Variants in MYRF observed in about 807,000 individuals in gnomAD.
The protein encoded by MYRF is myelin gene regulatory factor.
Under a neutral mutation model 126.3 loss-of-function variants are expected in MYRF, and 16 were observed. That is an observed-to-expected ratio of 0.13 (90% confidence interval 0.09 to 0.19). The LOEUF is 0.19. Ranked by LOEUF, MYRF falls within the 10% of genes least tolerant of loss-of-function variation. The probability of loss-of-function intolerance (pLI) is 1.00; values close to 1 mark genes in which losing one functional copy is unlikely to be tolerated. For synonymous variants in MYRF, 608 were observed against 635.3 expected, an observed-to-expected ratio of 0.96 and a Z score of 0.65; for missense variants, 1,104 against 1,547.0, an observed-to-expected ratio of 0.71 and a Z score of 4.80.
intron 1 of MYRF, among the ~76,000 whole-genome samples, chr11:61,761,788 T>G (rs1281850952): frequency 6.6e-6 from 1 of 152,274 alleles, no homozygotes; most frequent in Non-Finnish European, 1.5e-5. Flanking sequence ...GAGCCTCAGT[T>G]TCCTCATCTA....
chr11:61,770,441 T>A lies in MYRF; in HGVS notation c.656T>A (p.Met219Lys). The A allele has an allele frequency of 6.5e-7, 1 of 1,548,982 alleles. No homozygotes were observed. The highest frequency in any genetic ancestry group is 1.2e-5 in the South Asian group (1 of 84,216). ...CCCCCGATCCCCCACTACGCTGCCA[T>A]GGGGCAGGGGCTGGTGCCCACTGAT... The part of the protein sequence containing the change: ...AEPPIPHYAA[M>K]GQGLVPTDLH... The change falls in exon 5 of 27, where the codon ATG becomes AAG. Residue 219 changes from methionine to lysine, a missense_variant. This residue lies in a region of MYRF where 368 missense variants were observed against 403.9 expected (regional missense o/e 0.91). Transcript: ENST00000278836.
chr11:61,773,951 T>G lies in MYRF; in HGVS notation c.1116-16T>G. The G allele has an allele frequency of 5.6e-6, 9 of 1,595,030 alleles. No individual in the cohort carries two copies. Among genetic ancestry groups the G allele is most frequent in the Non-Finnish European group, 7.7e-6 (9 of 1,169,756 alleles). ...GCTCTGGGGCCTCAGGGGAGTGCCC[T>G]CACCCGCCCCCCCAGGCCCATGCTC... is the stretch of plus-strand genomic sequence containing the variant. On this transcript the variant is annotated splice_polypyrimidine_tract_variant and intron_variant, in intron 7 of 26. Coordinates refer to ENST00000278836, the MANE Select transcript of MYRF (RefSeq NM_001127392.3).
At position 61,766,237 on chromosome 11, in the gene MYRF, G is replaced by T; in HGVS notation, c.398+16G>T. The T allele has an allele frequency of 1.3e-6, 2 of 1,592,210 alleles. No homozygotes were observed. The highest frequency in any genetic ancestry group is 1.7e-4 in the Middle Eastern group (1 of 5,900). ...ATGCCCCAGGGTGAGTAAGGGCAGG[G>T]AGTAGGGGGATACAGCGGCATAGGG... On this transcript the variant is annotated intron_variant, in intron 3 of 26. Transcript: ENST00000278836.
intron 1 of MYRF, among the ~76,000 whole-genome samples, chr11:61,760,259 G>C (rs373603094): frequency 6.6e-6 from 1 of 152,090 alleles, no homozygotes; most frequent in Non-Finnish European, 1.5e-5. Context: ...GAGCCACCGC[G>C]CCTGGCCATA....
Position 61,771,541 on chromosome 11 carries a change from C to A in MYRF, c.782C>A (p.Ser261Tyr), listed in dbSNP as rs754453884. ...TCCAAGAAGAGGAAGCACTCTGAATCCCCCCCCAGCACCCTCAATGCCCAG... is the reference window on the plus strand; with the variant it reads ...TCCAAGAAGAGGAAGCACTCTGAATACCCCCCCAGCACCCTCAATGCCCAG... ...HPSKKRKHSE[S>Y]PPSTLNAQML... Residue 261 changes from serine to tyrosine, a missense_variant, in exon 6 of 27, where the codon TCC (serine) becomes TAC (tyrosine). Physicochemically the swap from Ser to Tyr is moderately radical, Grantham distance 144 (BLOSUM62 -2). This residue lies in a region of MYRF where 368 missense variants were observed against 403.9 expected (regional missense o/e 0.91). Transcript: ENST00000278836. The A allele has an allele frequency of 9.3e-6, 15 of 1,611,744 alleles. No individual in the cohort carries two copies. Among genetic ancestry groups the A allele is most frequent in the African/African-American group, 5.3e-5 (4 of 74,790 alleles).
chr11:61,755,393 G>T, intron 1 of MYRF: 1 of 1,601,522 alleles, frequency 6.2e-7, no homozygotes. Context: ...GGCGGGCACA[G>T]GGCCTGCAGA....
chr11:61,779,889 G>T lies in MYRF; in HGVS notation c.2295G>T (p.Leu765=). The change falls in exon 17 of 27, where the codon CTG becomes CTT. Residue 765 remains leucine (L), a synonymous_variant. Transcript: ENST00000278836. The part of the protein sequence containing the change: ...PDQACISQRF[L]QGTIIALVVV... ...AGGCCTGCATCAGCCAGCGCTTCCTGCAGGGAACCATCATTGCCCTGGTGG... is the reference window on the plus strand; with the variant it reads ...AGGCCTGCATCAGCCAGCGCTTCCTTCAGGGAACCATCATTGCCCTGGTGG... 2 of 1,614,156 alleles carry T rather than the reference G, an allele frequency of 1.2e-6. No individual in the cohort carries two copies. Among genetic ancestry groups the T allele is most frequent in the Non-Finnish European group, 1.7e-6 (2 of 1,180,006 alleles).
At chr11:61,780,930 C>G in intron 19 of MYRF, 30 bp from the exon 20 acceptor site, 1 of 1,608,068 alleles carries the variant, frequency 6.2e-7, no homozygotes, top group Non-Finnish European at 8.5e-7. Flanking sequence ...CTCCCAGCCC[C>G]TCTGAGCTCA....
At chr11:61,763,340 T>C (rs182849177) in intron 1 of MYRF, among the ~76,000 whole-genome samples, 1 of 152,318 alleles carries the variant, frequency 6.6e-6, no homozygotes, top group Admixed American at 6.5e-5. Context: ...GGAAAATGCA[T>C]AAAGCACTTA....
rs1043187814 is a variant in MYRF, at chr11:61,757,624, C to A, written c.46+4834C>A. On this transcript the variant is annotated intron_variant, in intron 1 of 26. Coordinates refer to ENST00000278836, the MANE Select transcript of MYRF (RefSeq NM_001127392.3). The surrounding 1 kb of genome is among the most constrained non-coding windows in gnomAD (Gnocchi z 4.7). ...AGCGTGGCCTGGTCCTGGTCCCTGG[C>A]ACATCCAGTGGGGCCCGCCCCACCT... 1.6e-5 allele frequency: 7 copies of A among 448,798 alleles called. No homozygotes were observed. The highest frequency in any genetic ancestry group is 1.2e-4 in the African/African-American group (6 of 49,804). 27.8% of individuals were successfully genotyped at this position (448,798 alleles called of 1,614,324 possible).
rs2066698422 is a variant in MYRF, at chr11:61,786,502, C to T, written c.*359C>T. ...CCCTGATTTGTTCAGAGCCCATTCTCCCTTGCCTCCCCTTTTGAGACTGGA... is the reference window on the plus strand; with the variant it reads ...CCCTGATTTGTTCAGAGCCCATTCTTCCTTGCCTCCCCTTTTGAGACTGGA... On this transcript the variant is annotated 3_prime_UTR_variant, in exon 27 of 27. Coordinates refer to ENST00000278836, the MANE Select transcript of MYRF (RefSeq NM_001127392.3). This position sits in a 1 kb window ranked among gnomAD's most constrained non-coding sequence, Gnocchi z 4.5. 3.6e-6 allele frequency: 1 copy of T among 278,278 alleles called. No homozygotes were observed. Among genetic ancestry groups the T allele is most frequent in the African/African-American group, 2.2e-5 (1 of 46,356 alleles). The allele number at this position is 278,278 out of a possible 1,614,324, so 17.2% of individuals were successfully genotyped here.
At position 61,777,992 on chromosome 11, in the gene MYRF, C is replaced by T. The variant is rs2066433709; in HGVS notation, c.1903+147C>T. 8.9e-6 allele frequency: 6 copies of T among 675,688 alleles called. No individual in the cohort carries two copies. Among genetic ancestry groups the T allele is most frequent in the Non-Finnish European group, 1.5e-5 (6 of 395,744 alleles). The allele number at this position is 675,688 out of a possible 1,614,324, so 41.9% of individuals were successfully genotyped here. A position where few individuals can be genotyped will look rare whatever the true frequency, so the allele number is the denominator to read the frequency against. On this transcript the variant is annotated intron_variant, in intron 13 of 26. Transcript: ENST00000278836. The surrounding 1 kb of genome is among the most constrained non-coding windows in gnomAD (Gnocchi z 8.8). ...ATCATGCCTTCTAGAAGTCCCGCCC[C>T]TCGGACCTTGGAAAATCGCACCTCT...
intron 2 of MYRF, 92 bp downstream of exon 2, chr11:61,765,804 G>T (rs1292064277): frequency 9.1e-6 from 13 of 1,421,090 alleles, no homozygotes; most frequent in Non-Finnish European, 1.3e-5. Context: ...CGGACCTGGG[G>T]TCTGCTGTGG....
Position 61,757,012 on chromosome 11 carries a change from A to C in MYRF, c.46+4222A>C. Reference sequence around the variant, plus strand: ...TTGGACTTTGCCCTCCCTGATAAGGAACTGGGAGCAGAAATTATTAACTGA... The same window carrying C: ...TTGGACTTTGCCCTCCCTGATAAGGCACTGGGAGCAGAAATTATTAACTGA... On this transcript the variant is annotated intron_variant, in intron 1 of 26. Coordinates refer to ENST00000278836, the MANE Select transcript of MYRF (RefSeq NM_001127392.3). This position sits in a 1 kb window ranked among gnomAD's most constrained non-coding sequence, Gnocchi z 4.7. 2.6e-6 allele frequency: 1 copy of C among 379,364 alleles called. No individual in the cohort carries two copies. The allele number at this position is 379,364 out of a possible 1,614,324, so 23.5% of individuals were successfully genotyped here.
chr11:61,753,748 C>T (rs1226569957), intron 1 of MYRF, among the ~76,000 whole-genome samples: 6 of 152,130 alleles, frequency 3.9e-5, no homozygotes, highest in Admixed American at 1.3e-4. Context: ...GAGGTCTGCT[C>T]CTCCATCTAA....
intron 1 of MYRF, among the ~76,000 whole-genome samples, chr11:61,761,782 C>T (rs539191692): frequency 6.6e-6 from 1 of 152,396 alleles, no homozygotes; most frequent in Non-Finnish European, 1.5e-5. Flanking sequence ...CTTTCTGAGC[C>T]TCAGTTTCCT....
At chr11:61,764,593 G>A (rs1221476150) in intron 1 of MYRF, among the ~76,000 whole-genome samples, 3 of 152,192 alleles carry the variant, frequency 2.0e-5, no homozygotes, top group Non-Finnish European at 4.4e-5. Context: ...CCTCAGTGGG[G>A]CTGGCCAGCC....
In MYRF at chr11:61,777,604, C is replaced by G; in HGVS notation, c.1792-130C>G. The G allele has an allele frequency of 7.5e-7, 1 of 1,324,588 alleles. No homozygotes were observed. Among genetic ancestry groups the G allele is most frequent in the Non-Finnish European group, 1.0e-6 (1 of 959,618 alleles). The allele number at this position is 1,324,588 out of a possible 1,614,324, so 82.1% of individuals were successfully genotyped here. On this transcript the variant is annotated intron_variant, in intron 12 of 26. Transcript: ENST00000278836. This position sits in a 1 kb window ranked among gnomAD's most constrained non-coding sequence, Gnocchi z 8.8. ...AGGGAGGGAGGCTGGCCTCGAATCC[C>G]GATCTAACCACTCCAGTGGTGGGGT... is the stretch of plus-strand genomic sequence containing the variant.
At chr11:61,766,260 G>T in intron 3 of MYRF, 39 bp downstream of exon 3, 1 of 1,554,772 alleles carries the variant, frequency 6.4e-7, no homozygotes, top group Non-Finnish European at 8.7e-7. Context: ...CAGCGGCATA[G>T]GGGCAGGCAG....
Sources: gnomAD v4.1 joint callset for allele counts (sites outside exome capture counted in the v4.1 genomes callset) on GRCh38, gnomAD v4.1.1 for gene constraint, gnomAD v4.1.1 regional missense constraint, Gnocchi (gnomAD v3.1) non-coding constraint, MANE v1.5 for transcripts, NCBI Gene and HGNC (gene_info 2026-07-23, HGNC 2026-07-21) for gene names.